SEMA4F: variants seen among roughly 807,000 people sequenced by gnomAD.
SEMA4F encodes the protein ssemaphorin 4F, also known as semaphorin-4F.
SEMA4F carries 51 observed loss-of-function variants against 78.4 expected under a neutral mutation model. The observed-to-expected ratio is 0.65, with a 90% CI of 0.52 to 0.82. SEMA4F has a LOEUF of 0.82. SEMA4F is among the 40% of genes least tolerant of loss of function. The pLI is 0.00. For missense variants in SEMA4F, 938 were observed against 1,014.4 expected (o/e 0.92, Z 1.02); for synonymous variants, 418 against 408.7 (o/e 1.02, Z -0.27).
Position 74,654,265 on chromosome 2 carries a change from A to C in SEMA4F, c.-112A>C. ...GGGCGGTGTTTCATCCCTCAGCCTC[A>C]GGCTGAGCCGGACCGAGCCGAGAGG... On this transcript the variant is annotated 5_prime_UTR_variant, in exon 1 of 14. Transcript: ENST00000357877. 5 of 1,259,396 alleles carry C rather than the reference A, an allele frequency of 4.0e-6. No homozygotes were observed. Among genetic ancestry groups the C allele is most frequent in the Non-Finnish European group, 4.1e-6 (4 of 975,270 alleles). 78.0% of individuals were successfully genotyped at this position (1,259,396 alleles called of 1,614,324 possible). A position where few individuals can be genotyped will look rare whatever the true frequency, so the allele number is the denominator to read the frequency against.
At chr2:74,657,662 G>A in intron 3 of SEMA4F, 38 bp downstream of exon 3, 1 of 1,602,182 alleles carries the variant, frequency 6.2e-7, no homozygotes, top group Non-Finnish European at 8.6e-7. Context: ...AGTGTCAGTT[G>A]AGACCTTGGC....
chr2:74,695,232 G>T, the SEMA4F span, among the ~76,000 whole-genome samples: 1 of 152,070 alleles, frequency 6.6e-6, no homozygotes, highest in Non-Finnish European at 1.5e-5. Flanking sequence ...GTTGCCTCCC[G>T]TGTAGCTGGG....
the SEMA4F span, among the ~76,000 whole-genome samples, chr2:74,690,104 A>G: frequency 6.6e-6 from 1 of 152,112 alleles, no homozygotes; most frequent in Non-Finnish European, 1.5e-5. Context: ...GTTCTTTCTA[A>G]CACCCTCTTA....
chr2:74,660,177 C>A (rs1004859589), intron 4 of SEMA4F, among the ~76,000 whole-genome samples: 2 of 152,136 alleles, frequency 1.3e-5, no homozygotes, highest in African/African-American at 4.8e-5. Context: ...GTATTATTTC[C>A]ATTTTACAAG....
the SEMA4F span, among the ~76,000 whole-genome samples, chr2:74,706,074 A>G: frequency 6.6e-6 from 1 of 152,072 alleles, no homozygotes; most frequent in Non-Finnish European, 1.5e-5. Flanking sequence ...AGGCTTTGGG[A>G]ATTCAAAAAA....
At chr2:74,675,958 C>G in intron 12 of SEMA4F, 49 bp downstream of exon 12, 1 of 1,561,550 alleles carries the variant, frequency 6.4e-7, no homozygotes, top group African/African-American at 1.4e-5. Context: ...GGGCTCTGTC[C>G]CATCCATATG....
At chr2:74,703,656 G>A in the SEMA4F span, among the ~76,000 whole-genome samples, 4 of 152,230 alleles carry the variant, frequency 2.6e-5, no homozygotes, top group African/African-American at 7.2e-5. Flanking sequence ...GGATCCCCAC[G>A]TGACCTGGCC....
chr2:74,708,716 A>C, the SEMA4F span, among the ~76,000 whole-genome samples: 1 of 152,258 alleles, frequency 6.6e-6, no homozygotes, highest in Non-Finnish European at 1.5e-5. Flanking sequence ...CTCAACTTGA[A>C]TGAGAAAAGA....
chr2:74,708,201 C>G, the SEMA4F span, among the ~76,000 whole-genome samples: 1 of 151,976 alleles, frequency 6.6e-6, no homozygotes, highest in Non-Finnish European at 1.5e-5. Flanking sequence ...TATCCCAGAG[C>G]AAAGTTCAAA....
At chr2:74,707,973 G>A in the SEMA4F span, among the ~76,000 whole-genome samples, 76 of 151,988 alleles carry the variant, frequency 5.0e-4, no homozygotes, top group Non-Finnish European at 9.1e-4. Context: ...TAGAAGCAGC[G>A]CTGCTCAGTG....
the SEMA4F span, among the ~76,000 whole-genome samples, chr2:74,708,866 A>G: frequency 1.3e-5 from 2 of 152,212 alleles, no homozygotes; most frequent in Non-Finnish European, 2.9e-5. Flanking sequence ...AACACAAGAC[A>G]TAAAGAGGAG....
chr2:74,678,190 G>T (rs1379973880), intron 12 of SEMA4F, among the ~76,000 whole-genome samples: 1 of 152,108 alleles, frequency 6.6e-6, no homozygotes, highest in Non-Finnish European at 1.5e-5. Flanking sequence ...AGAATTCACT[G>T]GTCTTAGATA....
At chr2:74,699,148 G>T in the SEMA4F span, among the ~76,000 whole-genome samples, 1 of 152,138 alleles carries the variant, frequency 6.6e-6, no homozygotes, top group African/African-American at 2.4e-5. Context: ...GTGCTTGAAT[G>T]CTGTCAATAA....
chr2:74,655,268 C>T (rs1413535486), intron 1 of SEMA4F: 2 of 389,906 alleles, frequency 5.1e-6, no homozygotes, highest in African/African-American at 4.2e-5. Flanking sequence ...TTTTTCAAGT[C>T]TTCAGAAGGA....
chr2:74,685,861 C>G (rs1006605843), downstream of SEMA4F, among the ~76,000 whole-genome samples: 5 of 152,054 alleles, frequency 3.3e-5, no homozygotes, highest in Non-Finnish European at 7.4e-5. Flanking sequence ...TTAAACAAAT[C>G]TACAAGAAAA....
the SEMA4F span, among the ~76,000 whole-genome samples, chr2:74,688,857 A>G: frequency 1.3e-5 from 2 of 152,188 alleles, no homozygotes; most frequent in Non-Finnish European, 2.9e-5. Flanking sequence ...ATCACCCCCA[A>G]CTACTTATGT....
chr2:74,665,233 T>C (rs1036669834), intron 5 of SEMA4F, among the ~76,000 whole-genome samples: 6 of 149,412 alleles, frequency 4.0e-5, no homozygotes, highest in Non-Finnish European at 6.0e-5. Context: ...TTTTTCTTTT[T>C]TTTTTTTTTT....
At chr2:74,676,518 C>T (rs1427638380) in intron 12 of SEMA4F, among the ~76,000 whole-genome samples, 1 of 152,182 alleles carries the variant, frequency 6.6e-6, no homozygotes, top group Non-Finnish European at 1.5e-5. Context: ...TCAAAGTATG[C>T]ACTGTTGTTT....
rs181160960 is a variant in SEMA4F, at chr2:74,663,725, G to T, written c.550+900G>T. 2.6e-5 allele frequency among the ~76,000 whole-genome samples: 4 copies of T among 152,268 alleles called. No homozygotes were observed. In the East Asian group the frequency reaches 7.7e-4, roughly 29 times the overall value. ...GAGCTCACTCATTACTGCCAGGACA[G>T]CACCAAGCCATTCATGAAACATCTG... On this transcript the variant is annotated intron_variant, in intron 5 of 13. Transcript: ENST00000357877.
Sources: allele counts gnomAD v4.1 joint callset (sites outside exome capture counted in the v4.1 genomes callset), GRCh38; gene constraint gnomAD v4.1.1; transcripts MANE v1.5; gene names NCBI Gene and HGNC (gene_info 2026-07-23, HGNC 2026-07-21).